Variants in ATF7 observed in about 807,000 individuals in gnomAD.
ATF7 encodes the protein cyclic AMP-dependent transcription factor ATF-7.
In ATF7, 10 loss-of-function variants were observed where a neutral mutation model predicts 50.4. The observed-to-expected ratio is 0.20, with a 90% CI of 0.12 to 0.34. The LOEUF is 0.34. Ranked by LOEUF, ATF7 falls within the 10% of genes least tolerant of loss-of-function variation. The pLI is 1.00. For missense variants in ATF7, 465 were observed against 613.9 expected (o/e 0.76, Z 2.56); for synonymous variants, 201 against 226.4 (o/e 0.89, Z 1.01).
intron 2 of ATF7, among the ~76,000 whole-genome samples, chr12:53,590,058 T>A (rs1942877417): frequency 6.6e-6 from 1 of 152,202 alleles, no homozygotes; most frequent in African/African-American, 2.4e-5. Context: ...CATGAGCTTC[T>A]AGTAAAAGAA....
At chr12:53,606,129 T>C (rs1943593172) in intron 1 of ATF7, among the ~76,000 whole-genome samples, 2 of 151,860 alleles carry the variant, frequency 1.3e-5, no homozygotes, top group South Asian at 4.2e-4. Context: ...AAGAAGGGAG[T>C]AGTTTGTCAA....
At chr12:53,535,960 G>A (rs1045955899) in intron 5 of ATF7, among the ~76,000 whole-genome samples, 1 of 152,040 alleles carries the variant, frequency 6.6e-6, no homozygotes, top group Admixed American at 6.6e-5. Flanking sequence ...AGACGTTGCA[G>A]TGAGCTGAGA....
At chr12:53,532,743 T>C in intron 7 of ATF7, 120 bp from the exon 8 acceptor site, 2 of 696,034 alleles carry the variant, frequency 2.9e-6, no homozygotes. Flanking sequence ...TTGTGTGCAA[T>C]GTGCCCATAG....
chr12:53,541,656 A>G (rs1007133820), intron 4 of ATF7, among the ~76,000 whole-genome samples: 1 of 152,166 alleles, frequency 6.6e-6, no homozygotes, highest in Non-Finnish European at 1.5e-5. Context: ...CAATATCTCT[A>G]CTAAGTGGTC....
chr12:53,600,987 C>A lies in ATF7; in HGVS notation c.14G>T (p.Arg5Ile). Residue 5 changes from arginine to isoleucine, a missense_variant, in exon 2 of 12, where the codon AGA (arginine) becomes ATA (isoleucine). Physicochemically the swap from Arg to Ile is moderately conservative, Grantham distance 97 (BLOSUM62 -3). Transcript: ENST00000420353. Reference sequence around the variant, plus strand: ...GCCCGGGGCATTGCACACAAACGGTCTGTCGTCTCCCATATTTCATATAGC... The same window carrying A: ...GCCCGGGGCATTGCACACAAACGGTATGTCGTCTCCCATATTTCATATAGC... MGDD[R>I]PFVCNAPGCG... 1 of 1,612,894 alleles carries A rather than the reference C, an allele frequency of 6.2e-7. No individual in the cohort carries two copies.
At chr12:53,555,885 G>C (rs1486300354) in intron 2 of ATF7, among the ~76,000 whole-genome samples, 3 of 149,524 alleles carry the variant, frequency 2.0e-5, no homozygotes, top group Non-Finnish European at 4.5e-5. Flanking sequence ...GCGCAATCTT[G>C]GCTCACTGCA....
chr12:53,529,710 T>TACACACACACACACACACACACACACAC (rs796404325), intron 9 of ATF7, among the ~76,000 whole-genome samples: 2 of 132,238 alleles, frequency 1.5e-5, no homozygotes, highest in African/African-American at 5.9e-5. Context: ...TATATACACA[T>TACACACACACACACACACACACACACAC]ACACACACAC....
At chr12:53,620,139 G>C (rs1379991507) in intron 1 of ATF7, among the ~76,000 whole-genome samples, 1 of 151,278 alleles carries the variant, frequency 6.6e-6, no homozygotes, top group Non-Finnish European at 1.5e-5. Flanking sequence ...GTAAGACCCT[G>C]TCTCAAAAAA....
chr12:53,597,140 A>G (rs1224718726), intron 2 of ATF7, among the ~76,000 whole-genome samples: 1 of 152,128 alleles, frequency 6.6e-6, no homozygotes, highest in Non-Finnish European at 1.5e-5. Context: ...AAACCCTATC[A>G]CCTGTCTTTT....
At chr12:53,585,286 T>C (rs974545016) in intron 2 of ATF7, among the ~76,000 whole-genome samples, 1 of 152,124 alleles carries the variant, frequency 6.6e-6, no homozygotes, top group Non-Finnish European at 1.5e-5. Context: ...TCATTATATA[T>C]TTGTTAAAAC....
downstream of ATF7, among the ~76,000 whole-genome samples, chr12:53,510,748 T>C (rs1201204973): frequency 6.6e-6 from 1 of 152,234 alleles, no homozygotes; most frequent in Non-Finnish European, 1.5e-5. Flanking sequence ...GAGGCTGGTT[T>C]AGCTGGCTTC....
intron 7 of ATF7, 79 bp downstream of exon 7, chr12:53,533,081 T>G: frequency 7.8e-7 from 1 of 1,276,466 alleles, no homozygotes; most frequent in Non-Finnish European, 1.1e-6. Flanking sequence ...CTGGGGCTCA[T>G]GTGTATTTTA....
In ATF7 at chr12:53,600,996, C is replaced by G. The variant is rs750602287; in HGVS notation, c.5G>C (p.Gly2Ala). The G allele has an allele frequency of 1.1e-5, 18 of 1,613,048 alleles. No homozygotes were observed. The African/African-American group carries it at 2.0e-4, about 18-fold the overall frequency. Residue 2 changes from glycine to alanine, a missense_variant, in exon 2 of 12, where the codon GGA becomes GCA. Gly to Ala is a moderately conservative substitution (Grantham distance 60). Coordinates refer to ENST00000420353, the MANE Select transcript of ATF7 (RefSeq NM_006856.3). M[G>A]DDRPFVCNAP... ...ATTGCACACAAACGGTCTGTCGTCT[C>G]CCATATTTCATATAGCAGAGAGGAG...
intron 1 of ATF7, among the ~76,000 whole-genome samples, chr12:53,614,255 G>C (rs1026574009): frequency 2.0e-5 from 3 of 152,140 alleles, no homozygotes; most frequent in Admixed American, 6.6e-5. Flanking sequence ...TAAAGTGACA[G>C]CAGGAAGCAA....
At chr12:53,598,678 G>T (rs1227523532) in intron 2 of ATF7, among the ~76,000 whole-genome samples, 1 of 152,106 alleles carries the variant, frequency 6.6e-6, no homozygotes, top group Non-Finnish European at 1.5e-5. Context: ...AATTTCAGTG[G>T]ATACTACTCT....
chr12:53,602,209 C>T (rs1418546591), intron 1 of ATF7, among the ~76,000 whole-genome samples: 5 of 151,994 alleles, frequency 3.3e-5, no homozygotes, highest in African/African-American at 4.8e-5. Flanking sequence ...AGAATACGAA[C>T]GAGGGAAGAT....
chr12:53,527,390 G>A (rs1000002990), intron 9 of ATF7, among the ~76,000 whole-genome samples: 1 of 151,764 alleles, frequency 6.6e-6, no homozygotes, highest in Non-Finnish European at 1.5e-5. Context: ...GCTCTAGTGG[G>A]AGGATCATTT....
At chr12:53,562,583 C>T (rs781594303) in intron 2 of ATF7, among the ~76,000 whole-genome samples, 3 of 151,650 alleles carry the variant, frequency 2.0e-5, no homozygotes, top group African/African-American at 4.9e-5. Context: ...GCCGGTGAGC[C>T]GAGATTGTGC....
intron 2 of ATF7, among the ~76,000 whole-genome samples, chr12:53,557,409 C>T (rs1202537247): frequency 6.6e-6 from 1 of 152,140 alleles, no homozygotes; most frequent in Non-Finnish European, 1.5e-5. Flanking sequence ...ACCATGTTGC[C>T]CAGGCTGGTC....
Sources: gnomAD v4.1 joint callset for allele counts (sites outside exome capture counted in the v4.1 genomes callset) on GRCh38, gnomAD v4.1.1 for gene constraint, MANE v1.5 for transcripts, NCBI Gene and HGNC (gene_info 2026-07-23, HGNC 2026-07-21) for gene names.